Variants in LIPI observed in about 807,000 individuals in gnomAD.
LIPI encodes the protein lipase member I.
LIPI carries 59 observed loss-of-function variants against 50.6 expected under a neutral mutation model. The ratio of observed to expected loss-of-function variants is 1.16; its 90% confidence interval spans 0.94 to 1.45. LIPI has a LOEUF of 1.45. Among genes scored for constraint, LIPI ranks in the 40% most tolerant of loss-of-function variants. LIPI has a pLI of 0.00. For synonymous variants in LIPI, 203 were observed against 178.2 expected, an observed-to-expected ratio of 1.14 and a Z score of -1.11; for missense variants, 586 against 536.3, an observed-to-expected ratio of 1.09 and a Z score of -0.92.
At chr21:14,116,926 A>G (rs1600826347) in intron 9 of LIPI, among the ~76,000 whole-genome samples, 1 of 152,228 alleles carries the variant, frequency 6.6e-6, no homozygotes, top group Non-Finnish European at 1.5e-5. Flanking sequence ...CCATCCCCTT[A>G]TGTTCTAATT....
At chr21:14,142,487 T>TTTG (rs1163445191) in intron 9 of LIPI, among the ~76,000 whole-genome samples, 5 of 149,176 alleles carry the variant, frequency 3.4e-5, no homozygotes, top group Non-Finnish European at 7.4e-5. Context: ...ATATATATAT[T>TTTG]TTGTTGTTGT....
chr21:14,173,719 CTAA>C (rs1298670376), intron 4 of LIPI, among the ~76,000 whole-genome samples: 1 of 151,824 alleles, frequency 6.6e-6, no homozygotes, highest in African/African-American at 2.4e-5. Flanking sequence ...AACAGAACCT[CTAA>C]TGAGTTGTTA....
At chr21:14,174,456 C>T (rs1246807476) in intron 4 of LIPI, among the ~76,000 whole-genome samples, 1 of 152,156 alleles carries the variant, frequency 6.6e-6, no homozygotes, top group Non-Finnish European at 1.5e-5. Context: ...CTGGGAGCTC[C>T]CAGTGTGCCC....
chr21:14,132,183 A>C (rs147515155), intron 9 of LIPI, among the ~76,000 whole-genome samples: 5 of 152,310 alleles, frequency 3.3e-5, no homozygotes, highest in African/African-American at 1.2e-4. Context: ...ATCTAACAGG[A>C]GAGTCAGACA....
intron 7 of LIPI, among the ~76,000 whole-genome samples, chr21:14,160,206 T>G (rs1380492125): frequency 6.6e-6 from 1 of 151,296 alleles, no homozygotes; most frequent in Non-Finnish European, 1.5e-5. Flanking sequence ...GAGGAAATAA[T>G]CAGTCTACTT....
chr21:14,123,687 GT>G (rs887356558), intron 9 of LIPI, among the ~76,000 whole-genome samples: 15 of 152,176 alleles, frequency 9.9e-5, no homozygotes, highest in African/African-American at 3.6e-4. Context: ...GGCCAGCTAA[GT>G]GGGCCCAAGA....
intron 9 of LIPI, among the ~76,000 whole-genome samples, chr21:14,118,657 T>C (rs148726707): frequency 6.6e-6 from 1 of 152,144 alleles, no homozygotes; most frequent in African/African-American, 2.4e-5. Context: ...GAAGAAGATA[T>C]AGTGTGGCTG....
At chr21:14,202,742 C>A (rs1600938481) in intron 1 of LIPI, among the ~76,000 whole-genome samples, 2 of 152,176 alleles carry the variant, frequency 1.3e-5, no homozygotes, top group East Asian at 1.9e-4. Flanking sequence ...AGAAGAAAAC[C>A]TAGGCCATAC....
intron 6 of LIPI, among the ~76,000 whole-genome samples, chr21:14,164,346 G>T (rs1178595116): frequency 6.6e-6 from 1 of 152,066 alleles, no homozygotes; most frequent in Non-Finnish European, 1.5e-5. Context: ...ACAACAGGAG[G>T]TCTGAAGAAA....
At chr21:14,143,540 A>G (rs1014923320) in intron 9 of LIPI, 3 of 152,118 alleles carry the variant, frequency 2.0e-5, no homozygotes, top group African/African-American at 7.2e-5. Flanking sequence ...CATTGACAAG[A>G]AGATAATTAG....
At chr21:14,178,433 C>A (rs1339144378) in intron 4 of LIPI, among the ~76,000 whole-genome samples, 1 of 152,104 alleles carries the variant, frequency 6.6e-6, no homozygotes, top group African/African-American at 2.4e-5. Context: ...TTTTCACCTA[C>A]TTTTTAGTTC....
chr21:14,148,747 T>C (rs1023711730), intron 8 of LIPI, among the ~76,000 whole-genome samples: 6 of 152,212 alleles, frequency 3.9e-5, no homozygotes, highest in Non-Finnish European at 8.8e-5. Flanking sequence ...TCTCAGAGGA[T>C]ATTCCCATTG....
chr21:14,203,164 C>G (rs1263204622), intron 1 of LIPI, among the ~76,000 whole-genome samples: 1 of 152,096 alleles, frequency 6.6e-6, no homozygotes, highest in Non-Finnish European at 1.5e-5. Flanking sequence ...GAATGGTGAT[C>G]ATTAAAAAGT....
chr21:14,172,291 T>C (rs1222960362), intron 4 of LIPI, among the ~76,000 whole-genome samples: 4 of 152,072 alleles, frequency 2.6e-5, no homozygotes, highest in Non-Finnish European at 5.9e-5. Context: ...AGTTCAACCA[T>C]TGTGGAAGTC....
intron 7 of LIPI, among the ~76,000 whole-genome samples, chr21:14,153,719 C>G (rs2018180111): frequency 6.6e-6 from 1 of 152,112 alleles, no homozygotes; most frequent in Non-Finnish European, 1.5e-5. Context: ...CATGCAGGAA[C>G]AGGAGAAATG....
chr21:14,201,842 C>T (rs917968122), intron 1 of LIPI, among the ~76,000 whole-genome samples: 5 of 152,148 alleles, frequency 3.3e-5, no homozygotes, highest in African/African-American at 1.2e-4. Flanking sequence ...CCAGGGCAAT[C>T]AGGCTGGAGA....
chr21:14,205,838 AC>A (rs2020211950), intron 1 of LIPI, among the ~76,000 whole-genome samples: 1 of 152,090 alleles, frequency 6.6e-6, no homozygotes, highest in Non-Finnish European at 1.5e-5. Context: ...TAATTTTTGT[AC>A]CTGTTTGAAA....
chr21:14,179,065 G>A (rs185442226), intron 4 of LIPI, among the ~76,000 whole-genome samples: 50 of 152,188 alleles, frequency 3.3e-4, no homozygotes, highest in East Asian at 9.7e-4. Context: ...TAACAGATGA[G>A]ATGTTTTGCA....
At chr21:14,148,824 A>T (rs1336211101) in intron 8 of LIPI, among the ~76,000 whole-genome samples, 1 of 152,220 alleles carries the variant, frequency 6.6e-6, no homozygotes, top group African/African-American at 2.4e-5. Context: ...ATTAGCCAAG[A>T]TTAGGTGGAC....
Sources: allele counts gnomAD v4.1 joint callset (sites outside exome capture counted in the v4.1 genomes callset), GRCh38; gene constraint gnomAD v4.1.1; transcripts MANE v1.5; gene names NCBI Gene and HGNC (gene_info 2026-07-23, HGNC 2026-07-21).